GALNT13: variants seen among roughly 807,000 people sequenced by gnomAD.
GALNT13 encodes the protein UDP-GalNAc:polypeptide N-acetylgalactosaminyltransferase 13.
Under a neutral mutation model 64.2 loss-of-function variants are expected in GALNT13, and 28 were observed. That is an observed-to-expected ratio of 0.44 (90% CI 0.32 to 0.60). The LOEUF is 0.60. Among genes scored for constraint, GALNT13 ranks in the 20% least tolerant of loss-of-function variants. GALNT13 has a pLI of 0.05. For missense variants in GALNT13, 577 were observed against 669.8 expected (o/e 0.86, Z 1.53); for synonymous variants, 214 against 224.6 (o/e 0.95, Z 0.42).
At chr2:154,316,069 CAG>C (rs1220024093) in intron 9 of GALNT13, among the ~76,000 whole-genome samples, 4 of 151,924 alleles carry the variant, frequency 2.6e-5, no homozygotes, top group Admixed American at 2.0e-4. Flanking sequence ...GCCTGGGTGA[CAG>C]AGTGAGATTC....
chr2:153,680,429 C>T, the GALNT13 span, among the ~76,000 whole-genome samples: 131,279 of 151,844 alleles, frequency 0.86, 56,879 homozygotes, highest in East Asian at 0.93. Flanking sequence ...GTTATCACTG[C>T]ACAAAAATAT....
the GALNT13 span, among the ~76,000 whole-genome samples, chr2:153,402,908 G>A: frequency 1.3e-5 from 2 of 152,228 alleles, no homozygotes; most frequent in African/African-American, 2.4e-5. Context: ...TTGATTGTCT[G>A]AAGCCTTCTA....
At chr2:153,228,912 T>C in the GALNT13 span, among the ~76,000 whole-genome samples, 2 of 150,300 alleles carry the variant, frequency 1.3e-5, no homozygotes, top group Admixed American at 1.3e-4. Flanking sequence ...CCGCTTGTAA[T>C]TGATTACCTT....
At chr2:153,399,503 A>G in the GALNT13 span, among the ~76,000 whole-genome samples, 1 of 151,952 alleles carries the variant, frequency 6.6e-6, no homozygotes, top group Non-Finnish European at 1.5e-5. Flanking sequence ...GAATCTGTAA[A>G]TTACCTTGGG....
In GALNT13 at chr2:153,944,568, T is replaced by C; in HGVS notation, c.71T>C (p.Leu24Ser). ...SLMWVLVDVF[L>S]LLYFSECNKC... ...ATGTGGGTTCTTGTTGATGTCTTCTTACTGCTGTACTTCAGTGAATGTAAC... is the reference window on the plus strand; with the variant it reads ...ATGTGGGTTCTTGTTGATGTCTTCTCACTGCTGTACTTCAGTGAATGTAAC... Residue 24 changes from leucine (L) to serine (S), a missense_variant, in exon 3 of 13, where the codon TTA (leucine) becomes TCA (serine). Transcript: ENST00000392825. 6.2e-7 allele frequency: 1 copy of C among 1,613,628 alleles called. No individual in the cohort carries two copies. The highest frequency in any genetic ancestry group is 8.5e-7 in the Non-Finnish European group (1 of 1,179,646).
chr2:153,466,310 G>T, the GALNT13 span, among the ~76,000 whole-genome samples: 3 of 151,996 alleles, frequency 2.0e-5, no homozygotes, highest in South Asian at 6.2e-4. Context: ...CCCCCTGACT[G>T]TGTCAGTTCC....
chr2:153,693,805 T>A, the GALNT13 span, among the ~76,000 whole-genome samples: 1 of 151,960 alleles, frequency 6.6e-6, no homozygotes, highest in Non-Finnish European at 1.5e-5. Context: ...GCTCAGTAAA[T>A]CTATATTTTA....
the GALNT13 span, among the ~76,000 whole-genome samples, chr2:153,675,261 G>T: frequency 6.6e-6 from 1 of 152,072 alleles, no homozygotes; most frequent in African/African-American, 2.4e-5. Flanking sequence ...GTTTATTGTC[G>T]CACTGTTTGC....
intron 2 of GALNT13, among the ~76,000 whole-genome samples, chr2:153,930,342 C>T (rs896821879): frequency 6.6e-6 from 1 of 152,042 alleles, no homozygotes; most frequent in Admixed American, 6.6e-5. Flanking sequence ...AATTAAGTCC[C>T]ACTTGGGAAT....
At chr2:154,237,785 G>A (rs1344039364) in intron 4 of GALNT13, among the ~76,000 whole-genome samples, 1 of 151,510 alleles carries the variant, frequency 6.6e-6, no homozygotes, top group East Asian at 1.9e-4. Context: ...TCTTTGTACT[G>A]CATGTATTGA....
chr2:153,622,451 G>A, the GALNT13 span, among the ~76,000 whole-genome samples: 1 of 152,098 alleles, frequency 6.6e-6, no homozygotes, highest in African/African-American at 2.4e-5. Context: ...CACATTTTTG[G>A]CATTTCTTTA....
rs1689525970 is a variant in GALNT13, at chr2:154,242,180, T to C, written c.462T>C (p.Asp154=). The C allele has an allele frequency of 6.2e-7, 1 of 1,608,598 alleles. No individual in the cohort carries two copies. The highest frequency in any genetic ancestry group is 1.1e-5 in the South Asian group (1 of 89,116). The part of the protein sequence containing the change: ...HYLLSEVILV[D]DASERDFLKL... ...TACTCTCAGAGGTCATCTTGGTAGATGATGCCAGTGAAAGAGGTACAAACT... is the reference window on the plus strand; with the variant it reads ...TACTCTCAGAGGTCATCTTGGTAGACGATGCCAGTGAAAGAGGTACAAACT... The change falls in exon 5 of 13, where the codon GAT becomes GAC. Residue 154 remains aspartate (D), a synonymous_variant. Transcript: ENST00000392825.
the GALNT13 span, among the ~76,000 whole-genome samples, chr2:153,416,914 A>G: frequency 6.6e-6 from 1 of 152,220 alleles, no homozygotes; most frequent in Non-Finnish European, 1.5e-5. Context: ...AAAAGAATAC[A>G]GGACCTTAGA....
At chr2:154,398,004 A>C (rs1196946889) in intron 10 of GALNT13, among the ~76,000 whole-genome samples, 1 of 152,206 alleles carries the variant, frequency 6.6e-6, no homozygotes, top group African/African-American at 2.4e-5. Flanking sequence ...ATTTATATTT[A>C]ATGCAGAAAA....
the GALNT13 span, among the ~76,000 whole-genome samples, chr2:153,548,804 C>T: frequency 1.3e-5 from 2 of 152,156 alleles, no homozygotes; most frequent in Admixed American, 6.6e-5. Context: ...AAAACATATG[C>T]TCACGTGAAA....
chr2:154,086,941 A>T (rs987234503), intron 3 of GALNT13, among the ~76,000 whole-genome samples: 1 of 152,074 alleles, frequency 6.6e-6, no homozygotes, highest in African/African-American at 2.4e-5. Context: ...CACCACATGC[A>T]CTGTTGCCAT....
At chr2:153,135,334 A>G in the GALNT13 span, among the ~76,000 whole-genome samples, 19 of 152,268 alleles carry the variant, frequency 1.2e-4, no homozygotes, top group East Asian at 5.8e-4. Context: ...GGGTGGCACA[A>G]TTCAGTCCAT....
chr2:153,545,892 A>ACGTGGAT, the GALNT13 span, among the ~76,000 whole-genome samples: 1 of 152,204 alleles, frequency 6.6e-6, no homozygotes, highest in African/African-American at 2.4e-5. Flanking sequence ...AGGGCAAAGT[A>ACGTGGAT]CGTGGATCCA....
chr2:153,472,384 T>G, the GALNT13 span, among the ~76,000 whole-genome samples: 3 of 152,202 alleles, frequency 2.0e-5, no homozygotes, highest in Admixed American at 1.3e-4. Flanking sequence ...TAGGAACAAT[T>G]TCTTATCTTA....
Sources: gnomAD v4.1 joint callset for allele counts (sites outside exome capture counted in the v4.1 genomes callset) on GRCh38, gnomAD v4.1.1 for gene constraint, MANE v1.5 for transcripts, NCBI Gene and HGNC (gene_info 2026-07-23, HGNC 2026-07-21) for gene names.